The following ARHGAP32 variants were observed in gnomAD, a reference collection of about 807,000 sequenced individuals.
ARHGAP32 encodes the protein Rho GTPase activating protein 32.
Under a neutral mutation model 186.5 loss-of-function variants are expected in ARHGAP32, and 51 were observed. That is an observed-to-expected ratio of 0.27 (90% confidence interval 0.22 to 0.35). The LOEUF (loss-of-function observed/expected upper bound fraction) is 0.35. Among genes scored for constraint, ARHGAP32 ranks in the 10% least tolerant of loss-of-function variants. The pLI is 1.00. For synonymous variants in ARHGAP32, 950 were observed against 964.3 expected, an observed-to-expected ratio of 0.99 and a Z score of 0.27; for missense variants, 2,186 against 2,623.5, an observed-to-expected ratio of 0.83 and a Z score of 3.64.
At chr11:129,069,688 A>G (rs1261746501) in intron 6 of ARHGAP32, among the ~76,000 whole-genome samples, 1 of 152,022 alleles carries the variant, frequency 6.6e-6, no homozygotes, top group Non-Finnish European at 1.5e-5. Context: ...TGCCCTGGTG[A>G]TCATTCACTT....
At chr11:128,983,655 TAAATA>T (rs986530335) in intron 15 of ARHGAP32, among the ~76,000 whole-genome samples, 2 of 147,358 alleles carry the variant, frequency 1.4e-5, no homozygotes, top group Admixed American at 1.3e-4. Flanking sequence ...AAAAAATAAA[TAAATA>T]AAATAGAATA....
intron 6 of ARHGAP32, among the ~76,000 whole-genome samples, chr11:129,082,671 T>C (rs1446972197): frequency 6.6e-6 from 1 of 152,122 alleles, no homozygotes; most frequent in East Asian, 1.9e-4. Context: ...GGAAAAATTC[T>C]TCCAGACACT....
intron 11 of ARHGAP32, among the ~76,000 whole-genome samples, chr11:129,039,423 C>A (rs972863283): frequency 6.6e-6 from 1 of 152,198 alleles, no homozygotes; most frequent in African/African-American, 2.4e-5. Flanking sequence ...CATGCTACTG[C>A]ACAGGTGAAT....
At chr11:128,983,619 T>C (rs151230536) in intron 15 of ARHGAP32, among the ~76,000 whole-genome samples, 1 of 151,642 alleles carries the variant, frequency 6.6e-6, no homozygotes, top group Admixed American at 6.6e-5. Context: ...ATTGTGCACA[T>C]GTACCCTAAA....
At chr11:129,100,935 C>T (rs1477803049) in intron 5 of ARHGAP32, among the ~76,000 whole-genome samples, 1 of 152,170 alleles carries the variant, frequency 6.6e-6, no homozygotes, top group Non-Finnish European at 1.5e-5. Context: ...GCTGCTGTTA[C>T]AAGGATGGAC....
chr11:129,230,067 G>A (rs1048880510), intron 1 of ARHGAP32, among the ~76,000 whole-genome samples: 21 of 151,968 alleles, frequency 1.4e-4, no homozygotes, highest in African/African-American at 4.1e-4. Context: ...TGCCTGTCTC[G>A]GCCTCCCAAA....
At chr11:128,973,626 A>C in intron 21 of ARHGAP32, 194 bp from the exon 22 acceptor site, 1 of 620,070 alleles carries the variant, frequency 1.6e-6, no homozygotes, top group East Asian at 2.8e-5. Flanking sequence ...ACTAAAACAA[A>C]CAGTGTATAA....
chr11:129,223,705 AAGAC>A (rs1944743420), intron 1 of ARHGAP32, among the ~76,000 whole-genome samples: 1 of 152,210 alleles, frequency 6.6e-6, no homozygotes, highest in South Asian at 2.1e-4. Context: ...AAAGAAGTAA[AAGAC>A]AGCTGATCCA....
chr11:128,976,546 G>A lies in ARHGAP32; in HGVS notation c.2194+17C>T, dbSNP rs866480501. 14 of 1,599,446 alleles carry A rather than the reference G, an allele frequency of 8.8e-6. 1 individual carries two copies. In the Middle Eastern group the frequency reaches 5.0e-4, roughly 57 times the overall value. ...CAATATATTATAGAATAAAATGACT[G>A]ATGCTTTTAGTCTTACCATCAACTG... On this transcript the variant is annotated intron_variant, in intron 20 of 22. Transcript: ENST00000682385.
At chr11:129,081,872 C>T (rs1941231605) in intron 6 of ARHGAP32, among the ~76,000 whole-genome samples, 1 of 152,040 alleles carries the variant, frequency 6.6e-6, no homozygotes, top group Admixed American at 6.6e-5. Context: ...ATCCAGAAAG[C>T]TCTTAGATGT....
At chr11:129,229,524 T>C (rs902419557) in intron 1 of ARHGAP32, among the ~76,000 whole-genome samples, 1 of 152,144 alleles carries the variant, frequency 6.6e-6, no homozygotes, top group Non-Finnish European at 1.5e-5. Flanking sequence ...TTTTACACTA[T>C]GTTAAGTCTA....
chr11:129,206,627 T>C (rs1221187192), intron 1 of ARHGAP32, among the ~76,000 whole-genome samples: 1 of 152,196 alleles, frequency 6.6e-6, no homozygotes, highest in Non-Finnish European at 1.5e-5. Context: ...CTCCATTTTT[T>C]ATTATCATAT....
intron 1 of ARHGAP32, among the ~76,000 whole-genome samples, chr11:129,181,951 A>T (rs1944063866): frequency 6.6e-6 from 1 of 152,168 alleles, no homozygotes; most frequent in African/African-American, 2.4e-5. Flanking sequence ...TTCACACATA[A>T]ATTATTCATA....
At chr11:129,107,694 C>T (rs1482415781) in intron 5 of ARHGAP32, among the ~76,000 whole-genome samples, 2 of 151,948 alleles carry the variant, frequency 1.3e-5, no homozygotes, top group African/African-American at 4.8e-5. Context: ...CATGGAGAAA[C>T]CCCGTCTCTA....
At chr11:129,269,215 G>A (rs1945443969) in intron 1 of ARHGAP32, among the ~76,000 whole-genome samples, 2 of 152,264 alleles carry the variant, frequency 1.3e-5, no homozygotes, top group Non-Finnish European at 2.9e-5. Flanking sequence ...AGGCTTCAGT[G>A]AGCTGAGATC....
Position 128,986,513 on chromosome 11 carries a change from C to A in ARHGAP32, c.1443+11G>T. The A allele has an allele frequency of 6.2e-7, 1 of 1,613,704 alleles. No homozygotes were observed. The highest frequency in any genetic ancestry group is 8.5e-7 in the Non-Finnish European group (1 of 1,179,766). On this transcript the variant is annotated intron_variant, in intron 14 of 22. Transcript: ENST00000682385. Reference sequence around the variant, plus strand: ...CACAAAGAATTAGATTCAAAAGTAGCCTGTACTCACAGAAAATTTCTCATA... The same window carrying A: ...CACAAAGAATTAGATTCAAAAGTAGACTGTACTCACAGAAAATTTCTCATA...
intron 10 of ARHGAP32, among the ~76,000 whole-genome samples, chr11:129,051,955 A>C (rs12789515): frequency 3.3e-4 from 2 of 6,066 alleles, no homozygotes. Flanking sequence ...TTCTGTCTCA[A>C]AAAAAAAAAA....
chr11:129,193,668 A>ACATATATATGTATATGT (rs1944339436), upstream of ARHGAP32, among the ~76,000 whole-genome samples: 1 of 41,884 alleles, frequency 2.4e-5, no homozygotes, highest in Non-Finnish European at 4.4e-5. Flanking sequence ...AATATATATT[A>ACATATATATGTATATGT]TATATAATAT....
intron 2 of ARHGAP32, among the ~76,000 whole-genome samples, chr11:129,162,790 G>A (rs1023907201): frequency 2.0e-5 from 3 of 152,068 alleles, no homozygotes; most frequent in South Asian, 2.1e-4. Flanking sequence ...AAACACTGAC[G>A]ATAAAGTCAT....
Sources: gnomAD v4.1 joint callset for allele counts (sites outside exome capture counted in the v4.1 genomes callset) on GRCh38, gnomAD v4.1.1 for gene constraint, MANE v1.5 for transcripts, NCBI Gene and HGNC (gene_info 2026-07-23, HGNC 2026-07-21) for gene names.